The following ACTR8 variants were observed in gnomAD, a reference collection of about 807,000 sequenced individuals.
ACTR8 encodes actin-related protein 8.
Under a neutral mutation model 84.3 loss-of-function variants are expected in ACTR8, and 70 were observed. The observed-to-expected ratio is 0.83, with a 90% CI of 0.68 to 1.01. The LOEUF (loss-of-function observed/expected upper bound fraction) is 1.01. Ranked by LOEUF, ACTR8 falls within the 50% of genes least tolerant of loss-of-function variation. ACTR8 has a pLI of 0.00. For synonymous variants in ACTR8, 268 were observed against 275.2 expected, an observed-to-expected ratio of 0.97 and a Z score of 0.26; for missense variants, 672 against 775.4, an observed-to-expected ratio of 0.87 and a Z score of 1.58.
downstream of ACTR8, among the ~76,000 whole-genome samples, chr3:53,863,872 G>C (rs568138911): frequency 1.3e-5 from 2 of 150,912 alleles, no homozygotes; most frequent in South Asian, 4.2e-4. Context: ...GCCCAGGCTG[G>C]AGTGGAATGG....
In ACTR8 at chr3:53,876,720, A is replaced by G; in HGVS notation, c.685-7T>C. 7.1e-7 allele frequency: 1 copy of G among 1,414,936 alleles called. No individual in the cohort carries two copies. The highest frequency in any genetic ancestry group is 9.8e-7 in the Non-Finnish European group (1 of 1,020,902). The allele number at this position is 1,414,936 out of a possible 1,614,324, so 87.6% of individuals were successfully genotyped here. A position where few individuals can be genotyped will look rare whatever the true frequency, so the allele number is the denominator to read the frequency against. On this transcript the variant is annotated splice_polypyrimidine_tract_variant and splice_region_variant and intron_variant, in intron 5 of 12. Transcript: ENST00000335754. ...ACAAGATACATCTATAATACTAAAA[A>G]GAAGAACAAAGATAAAAGGGTTAGC...
In ACTR8 at chr3:53,870,262, G is replaced by A; in HGVS notation, c.1568-117C>T. ...TAGCCTTCTCAAAGATTTCCCTCCAGCCCACCCTCCACACTGCAGCCAGGG... is the reference window on the plus strand; with the variant it reads ...TAGCCTTCTCAAAGATTTCCCTCCAACCCACCCTCCACACTGCAGCCAGGG... On this transcript the variant is annotated intron_variant, in intron 11 of 12. Coordinates refer to ENST00000335754, the MANE Select transcript of ACTR8 (RefSeq NM_022899.5). The surrounding 1 kb of genome is among the most constrained non-coding windows in gnomAD (Gnocchi z 4.1). 3 of 1,238,734 alleles carry A rather than the reference G, an allele frequency of 2.4e-6. No homozygotes were observed. The highest frequency in any genetic ancestry group is 3.4e-6 in the Non-Finnish European group (3 of 884,990). 76.7% of individuals were successfully genotyped at this position (1,238,734 alleles called of 1,614,324 possible).
intron 10 of ACTR8, 70 bp downstream of exon 10, chr3:53,872,314 C>CTTA (rs1267377097): frequency 6.8e-7 from 1 of 1,461,680 alleles, no homozygotes; most frequent in African/African-American, 1.4e-5. Context: ...TTACAATGGC[C>CTTA]TATTAACTCT....
chr3:53,872,661 G>C (rs754884916), intron 9 of ACTR8, 137 bp from the exon 10 acceptor site: 20 of 1,118,076 alleles, frequency 1.8e-5, no homozygotes, highest in Non-Finnish European at 2.3e-5. Flanking sequence ...TCTCTTTCGG[G>C]AGTGGCATTA....
rs750658174 is a variant in ACTR8, at chr3:53,871,340, A to C, written c.1459T>G (p.Ser487Ala). Residue 487 changes from serine (S) to alanine (A), a missense_variant, in exon 11 of 13, where the codon TCC (serine) becomes GCC (alanine). Ser to Ala is a moderately conservative substitution (Grantham distance 99). Transcript: ENST00000335754. ...ATCAGTGCAGTGAGGGCCTCCTCGG[A>C]ATCGTTGCCGGCCATCAGGCCATCT... ...QGDGLMAGND[S>A]EEALTALMSR... 1.2e-6 allele frequency: 2 copies of C among 1,614,230 alleles called. No homozygotes were observed. Among genetic ancestry groups the C allele is most frequent in the Admixed American group, 3.3e-5 (2 of 60,030 alleles).
At chr3:53,865,010 G>A (rs748689565), downstream of ACTR8, 2 of 1,614,216 alleles carry the variant, frequency 1.2e-6, no homozygotes, top group Non-Finnish European at 1.7e-6. Flanking sequence ...AACAGTGTGT[G>A]CGATGGTACC....
At chr3:53,875,251 G>A (rs917441804) in intron 7 of ACTR8, among the ~76,000 whole-genome samples, 1 of 152,178 alleles carries the variant, frequency 6.6e-6, no homozygotes, top group Non-Finnish European at 1.5e-5. Flanking sequence ...GGCAGCAGAT[G>A]ACCCTTTCTC....
rs1259452294 is a variant in ACTR8 at position 53,882,138 on chromosome 3, G to C, written c.-37C>G. 1 of 1,548,096 alleles carries C rather than the reference G, an allele frequency of 6.5e-7. No homozygotes were observed. The highest frequency in any genetic ancestry group is 8.7e-7 in the Non-Finnish European group (1 of 1,144,562). On this transcript the variant is annotated 5_prime_UTR_variant, in exon 1 of 13. Coordinates refer to ENST00000335754, the MANE Select transcript of ACTR8 (RefSeq NM_022899.5). ...ACACCCACCAACCTCTCGCCTCAGC[G>C]CTGCAGCCACGACTGCCGGGATGGA...
At position 53,873,129 on chromosome 3, in the gene ACTR8, T is replaced by C. The variant is rs1389274003; in HGVS notation, c.1066-2A>G. 1 of 1,603,576 alleles carries C rather than the reference T, an allele frequency of 6.2e-7. No homozygotes were observed. The highest frequency in any genetic ancestry group is 1.3e-5 in the African/African-American group (1 of 74,964). On this transcript the variant is annotated splice_acceptor_variant, in intron 8 of 12. Coordinates refer to ENST00000335754, the MANE Select transcript of ACTR8 (RefSeq NM_022899.5). LOFTEE classifies it high-confidence loss of function. ...ATGGTCCTGAAGCCCAGAGATGTCC[T>C]GATTCCAGGAAAAGATGCTGTCAGT... is the stretch of plus-strand genomic sequence containing the variant.
chr3:53,877,104 G>T, intron 5 of ACTR8, 110 bp downstream of exon 5: 1 of 1,090,798 alleles, frequency 9.2e-7, no homozygotes, highest in Non-Finnish European at 1.3e-6. Flanking sequence ...TCACCCTGAA[G>T]GTCAAGAATG....
intron 2 of ACTR8, 115 bp downstream of exon 2, chr3:53,879,824 G>T: frequency 1.8e-6 from 2 of 1,101,644 alleles, no homozygotes; most frequent in Non-Finnish European, 1.3e-6. Flanking sequence ...CATTATTAAT[G>T]TTTTAAAACA....
At chr3:53,880,934 C>T (rs1307857638) in intron 1 of ACTR8, among the ~76,000 whole-genome samples, 1 of 152,206 alleles carries the variant, frequency 6.6e-6, no homozygotes, top group Non-Finnish European at 1.5e-5. Context: ...TGCACAAGCC[C>T]ATTCCATGCC....
At chr3:53,866,770 G>A (rs146980756), downstream of ACTR8, among the ~76,000 whole-genome samples, 603 of 152,200 alleles carry the variant, frequency 4.0e-3, 5 homozygotes, top group South Asian at 0.023. Flanking sequence ...TGTGAGCCAC[G>A]GCGCCTGGCC....
In ACTR8 at chr3:53,870,102, C is replaced by A; in HGVS notation, c.1611G>T (p.Val537=). The A allele has an allele frequency of 6.2e-7, 1 of 1,614,186 alleles. No homozygotes were observed. The highest frequency in any genetic ancestry group is 8.5e-7 in the Non-Finnish European group (1 of 1,180,036). ...TATGAAACATCAAACCACCTCCCAC[C>A]ACTAGGATGGAGCTGTACATCTTCT... The part of the protein sequence containing the change: ...TKKKMYSSIL[V]VGGGLMFHKA... The change falls in exon 12 of 13, where the codon GTG becomes GTT. Residue 537 remains valine (V), a synonymous_variant. Coordinates refer to ENST00000335754, the MANE Select transcript of ACTR8 (RefSeq NM_022899.5). This position sits in a 1 kb window ranked among gnomAD's most constrained non-coding sequence, Gnocchi z 4.1.
the ACTR8 span, chr3:53,860,480 A>G: frequency 1.8e-5 from 6 of 335,596 alleles, no homozygotes; most frequent in African/African-American, 2.1e-5. Flanking sequence ...TGAGCCTTCT[A>G]CCAGTACTGA....
At chr3:53,874,098 A>G in intron 8 of ACTR8, 113 bp downstream of exon 8, 1 of 1,071,072 alleles carries the variant, frequency 9.3e-7, no homozygotes, top group Non-Finnish European at 1.3e-6. Context: ...TGCTGGGATT[A>G]CAGGCATGAG....
In ACTR8 at chr3:53,871,254, G is replaced by A; in HGVS notation, c.1545C>T (p.Ile515=). Residue 515 remains isoleucine, a synonymous_variant, in exon 11 of 13, where the codon ATC becomes ATT. Coordinates refer to ENST00000335754, the MANE Select transcript of ACTR8 (RefSeq NM_022899.5). ...TACAACAGCAGTCTATGCTATGGAG[G>A]ATGGCTTTATCCAGGCCCAGGGCTT... ...EGKALGLDKA[I]LHSIDCCSSD... The A allele has an allele frequency of 6.2e-7, 1 of 1,614,156 alleles. No individual in the cohort carries two copies.
intron 7 of ACTR8, among the ~76,000 whole-genome samples, chr3:53,875,332 C>T (rs1699949209): frequency 2.0e-5 from 3 of 152,138 alleles, no homozygotes; most frequent in Admixed American, 2.0e-4. Flanking sequence ...TGAAAGCATC[C>T]TGAGGGGCAG....
At chr3:53,864,665 A>T (rs918131760), downstream of ACTR8, 1 of 1,056,582 alleles carries the variant, frequency 9.5e-7, no homozygotes, top group Non-Finnish European at 1.4e-6. Context: ...CTAGCAAGGG[A>T]TCATTTGTCA....
Sources: gnomAD v4.1 joint callset for allele counts (sites outside exome capture counted in the v4.1 genomes callset) on GRCh38, gnomAD v4.1.1 for gene constraint, Gnocchi (gnomAD v3.1) non-coding constraint, MANE v1.5 for transcripts, NCBI Gene and HGNC (gene_info 2026-07-23, HGNC 2026-07-21) for gene names.